The following ABHD14A variants were observed in gnomAD, a reference collection of about 807,000 sequenced individuals.
ABHD14A encodes the protein abhydrolase domain containing 14A, also known as protein ABHD14A.
A neutral mutation model predicts 27.0 loss-of-function variants in ABHD14A; 19 were observed. That is an observed-to-expected ratio of 0.70 (90% CI 0.49 to 1.03). ABHD14A has a LOEUF of 1.03. Ranked by LOEUF, ABHD14A falls within the 50% of genes least tolerant of loss-of-function variation. The probability of loss-of-function intolerance (pLI) is 0.00; values close to 1 mark genes in which losing one functional copy is unlikely to be tolerated. For missense variants in ABHD14A, 311 were observed against 344.6 expected (o/e 0.90, Z 0.77); for synonymous variants, 148 against 158.8 (o/e 0.93, Z 0.51).
rs775436485 is a variant in ABHD14A, at chr3:51,978,101, G to A, written c.281+19G>A. The A allele has an allele frequency of 8.1e-6, 13 of 1,608,406 alleles. No homozygotes were observed. The highest frequency in any genetic ancestry group is 1.1e-5 in the Non-Finnish European group (13 of 1,177,270). On this transcript the variant is annotated intron_variant, in intron 2 of 4. Transcript: ENST00000273596. ...CACACAGGTAGGTGCTGCTCCAAGG[G>A]TCTAGTGGAGGGACTAGGCTCAAGG... is the stretch of plus-strand genomic sequence containing the variant.
chr3:51,980,171 C>G (rs1409867970), intron 3 of ABHD14A: 6 of 628,940 alleles, frequency 9.5e-6, no homozygotes, highest in Admixed American at 2.1e-5. Flanking sequence ...ATCTGCCCGC[C>G]TCGGCCTCCC....
chr3:51,981,003 T>G lies in ABHD14A; in HGVS notation c.801T>G (p.Leu267=), dbSNP rs752801678. 7 of 1,612,786 alleles carry G rather than the reference T, an allele frequency of 4.3e-6. No individual in the cohort carries two copies. The highest frequency in any genetic ancestry group is 5.1e-6 in the Non-Finnish European group (6 of 1,178,986). Residue 267 remains leucine, a synonymous_variant, in exon 5 of 5, where the codon CTT becomes CTG. Transcript: ENST00000273596. ...TCCACCTTGTCCTGCTTGCCTTCCT[T>G]GACCATCTACCTTGAACTAACCCAC... ...QDFHLVLLAF[L]DHLP is the part of the protein sequence containing the mutation.
chr3:51,978,578 CT>C (rs1022038915), intron 3 of ABHD14A: 104 of 376,054 alleles, frequency 2.8e-4, no homozygotes, highest in Middle Eastern at 2.2e-3. Context: ...AGTATACTTT[CT>C]TTTTTTTTAT....
At chr3:51,977,808 G>T in intron 1 of ABHD14A, 63 bp from the exon 2 acceptor site, 3 of 1,463,778 alleles carry the variant, frequency 2.0e-6, no homozygotes, top group Non-Finnish European at 1.9e-6. Flanking sequence ...GTTTTGGGAT[G>T]GGATCCAGGG....
At chr3:51,978,578 C>A (rs879607194) in intron 3 of ABHD14A, 17 of 376,360 alleles carry the variant, frequency 4.5e-5, no homozygotes, top group Admixed American at 2.2e-4. Flanking sequence ...AGTATACTTT[C>A]TTTTTTTTTA....
intron 1 of ABHD14A, among the ~76,000 whole-genome samples, chr3:51,975,455 T>TG (rs111955253): frequency 0.034 from 2,956 of 87,640 alleles, 80 homozygotes; most frequent in African/African-American, 0.06. Context: ...CTTATATTTT[T>TG]GGGGGGGGGG....
At chr3:51,979,456 T>C (rs181506484) in intron 3 of ABHD14A, among the ~76,000 whole-genome samples, 11 of 150,860 alleles carry the variant, frequency 7.3e-5, no homozygotes, top group Admixed American at 2.0e-4. Flanking sequence ...TGTGTTTTGT[T>C]TTTTTTTTGT....
At position 51,980,497 on chromosome 3, in the gene ABHD14A, G is replaced by A. The variant is rs770858312; in HGVS notation, c.502G>A (p.Val168Met). Residue 168 changes from valine to methionine, a missense_variant, in exon 4 of 5, where the codon GTG becomes ATG. Coordinates refer to ENST00000273596, the MANE Select transcript of ABHD14A (RefSeq NM_015407.5). The part of the protein sequence containing the change: ...RDLEVQNAVL[V>M]SPSLSGHYAL... Reference sequence around the variant, plus strand: ...CCTGGAGGTACAGAATGCCGTGTTGGTGAGCCCCTCGCTGAGTGGCCACTA... The same window carrying A: ...CCTGGAGGTACAGAATGCCGTGTTGATGAGCCCCTCGCTGAGTGGCCACTA... 2.5e-5 allele frequency: 40 copies of A among 1,613,894 alleles called. No individual in the cohort carries two copies. Among genetic ancestry groups the A allele is most frequent in the Non-Finnish European group, 3.2e-5 (38 of 1,180,044 alleles).
rs769010826 is a variant in ABHD14A, at chr3:51,980,522, A to G, written c.527A>G (p.Tyr176Cys). 2.5e-5 allele frequency: 40 copies of G among 1,613,934 alleles called. No homozygotes were observed. The highest frequency in any genetic ancestry group is 9.9e-5 in the South Asian group (9 of 91,090). ...VLVSPSLSGH[Y>C]ALPFLMRGHH... ...GTGAGCCCCTCGCTGAGTGGCCACT[A>G]TGCCCTGCCCTTCCTGATGCGAGGC... The change falls in exon 4 of 5, where the codon TAT (tyrosine) becomes TGT (cysteine). Residue 176 changes from tyrosine (Y) to cysteine (C), a missense_variant. Tyr to Cys is a radical substitution (Grantham distance 194). Coordinates refer to ENST00000273596, the MANE Select transcript of ABHD14A (RefSeq NM_015407.5).
chr3:51,980,505 C>T lies in ABHD14A; in HGVS notation c.510C>T (p.Pro170=). The T allele has an allele frequency of 6.2e-7, 1 of 1,614,018 alleles. No individual in the cohort carries two copies. Among genetic ancestry groups the T allele is most frequent in the Non-Finnish European group, 8.5e-7 (1 of 1,180,016 alleles). Residue 170 remains proline, a synonymous_variant, in exon 4 of 5, where the codon CCC becomes CCT. Transcript: ENST00000273596. The stretch of plus-strand genomic sequence containing the variant: ...TACAGAATGCCGTGTTGGTGAGCCC[C>T]TCGCTGAGTGGCCACTATGCCCTGC... ...LEVQNAVLVS[P]SLSGHYALPF...
chr3:51,979,062 C>G (rs1215311156), intron 3 of ABHD14A: 5 of 193,422 alleles, frequency 2.6e-5, no homozygotes, highest in Non-Finnish European at 5.6e-5. Context: ...ATTTCTCTCC[C>G]TCTCTAAGAA....
chr3:51,980,470 G>A lies in ABHD14A; in HGVS notation c.475G>A (p.Asp159Asn), dbSNP rs79186892. ...RAALLERALR[D>N]LEVQNAVLVS... The stretch of plus-strand genomic sequence containing the variant: ...AGCGCTGCTGGAGCGGGCGCTGCGG[G>A]ACCTGGAGGTACAGAATGCCGTGTT... Residue 159 changes from aspartate to asparagine, a missense_variant, in exon 4 of 5, where the codon GAC (aspartate) becomes AAC (asparagine). Asp to Asn is a conservative substitution (Grantham distance 23, BLOSUM62 1). Transcript: ENST00000273596. 0.025 allele frequency: 41,095 copies of A among 1,613,720 alleles called. 681 individuals are homozygous for A. The highest frequency in any genetic ancestry group is 0.03 in the Non-Finnish European group (35,722 of 1,180,018).
At chr3:51,978,213 G>T (rs1223644998) in intron 2 of ABHD14A, 46 bp from the exon 3 acceptor site, 5 of 1,534,038 alleles carry the variant, frequency 3.3e-6, no homozygotes, top group Admixed American at 2.0e-5. Context: ...AAGAAAGGTG[G>T]GCTACACCAG....
rs1452744799 is a variant in ABHD14A at position 51,978,295 on chromosome 3, C to G, written c.318C>G (p.Asn106Lys). 1 of 1,551,826 alleles carries G rather than the reference C, an allele frequency of 6.4e-7. No homozygotes were observed. The highest frequency in any genetic ancestry group is 1.4e-5 in the African/African-American group (1 of 73,186). The change falls in exon 3 of 5, where the codon AAC becomes AAG. Residue 106 changes from asparagine to lysine, a missense_variant. Transcript: ENST00000273596. ...TGCTGCTTCATGGAAAGGCCTTTAA[C>G]TCTCACACGTGGGAGCAGCTGGGCA... is the stretch of plus-strand genomic sequence containing the variant. The part of the protein sequence containing the change: ...EVVLLHGKAF[N>K]SHTWEQLGTL...
Position 51,980,964 on chromosome 3 carries a change from C to T in ABHD14A, c.762C>T (p.His254=). ...LRNAGHACYL[H]KPQDFHLVLL... ...ATGCAGGCCATGCCTGTTACCTCCA[C>T]AAGCCGCAAGACTTCCACCTTGTCC... Residue 254 remains histidine, a synonymous_variant, in exon 5 of 5, where the codon CAC becomes CAT. Transcript: ENST00000273596. 1.2e-6 allele frequency: 2 copies of T among 1,600,224 alleles called. No homozygotes were observed. Among genetic ancestry groups the T allele is most frequent in the Non-Finnish European group, 1.7e-6 (2 of 1,175,454 alleles).
chr3:51,977,514 G>A (rs1466012181), intron 1 of ABHD14A, among the ~76,000 whole-genome samples: 1 of 152,180 alleles, frequency 6.6e-6, no homozygotes, highest in Non-Finnish European at 1.5e-5. Flanking sequence ...CTGCTCCCCA[G>A]CATTCTTGGT....
rs758589776 is a variant in ABHD14A at position 51,977,962 on chromosome 3, G to A, written c.161G>A (p.Gly54Asp). The A allele has an allele frequency of 2.5e-6, 4 of 1,613,986 alleles. No individual in the cohort carries two copies. Among genetic ancestry groups the A allele is most frequent in the Non-Finnish European group, 3.4e-6 (4 of 1,180,046 alleles). Residue 54 changes from glycine to aspartate, a missense_variant, in exon 2 of 5, where the codon GGC becomes GAC. By Grantham distance (94) the Gly-to-Asp change is moderately conservative (BLOSUM62 -1). Transcript: ENST00000273596. ...LMLLLYVGLP[G>D]PPEQTSCLWG... ...CTCCTACTGTATGTGGGGCTGCCAG[G>A]CCCCCCTGAGCAGACTTCCTGCCTC...
chr3:51,979,444 G>GTTGTGTT (rs1700863444), intron 3 of ABHD14A, among the ~76,000 whole-genome samples: 1 of 148,754 alleles, frequency 6.7e-6, no homozygotes, highest in African/African-American at 2.5e-5. Context: ...CAAAGGATGT[G>GTTGTGTT]TTGTGTTTTG....
At position 51,978,001 on chromosome 3, in the gene ABHD14A, A is replaced by G. The variant is rs191551166; in HGVS notation, c.200A>G (p.Asn67Ser). 4.3e-5 allele frequency: 69 copies of G among 1,614,018 alleles called. 1 individual carries two copies. The East Asian group carries it at 4.9e-4, about 11-fold the overall frequency. The change falls in exon 2 of 5, where the codon AAT becomes AGT. Residue 67 changes from asparagine (N) to serine (S), a missense_variant. Transcript: ENST00000273596. The stretch of plus-strand genomic sequence containing the variant: ...ACTTCCTGCCTCTGGGGAGACCCCA[A>G]TGTCACAGTCCTGGCTGGTCTCACC... ...EQTSCLWGDP[N>S]VTVLAGLTPG...
Sources: gnomAD v4.1 joint callset for allele counts (sites outside exome capture counted in the v4.1 genomes callset) on GRCh38, gnomAD v4.1.1 for gene constraint, MANE v1.5 for transcripts, NCBI Gene and HGNC (gene_info 2026-07-23, HGNC 2026-07-21) for gene names.